Variants in TP63 observed in about 807,000 individuals in gnomAD.
TP63 encodes the protein tumor protein 63.
In TP63, 17 loss-of-function variants were observed where a neutral mutation model predicts 82.8. That is an observed-to-expected ratio of 0.21 (90% CI 0.14 to 0.31). TP63 has a LOEUF of 0.31. TP63 is among the 10% of genes least tolerant of loss of function. The pLI, the probability that TP63 is intolerant of heterozygous loss-of-function variation, is 1.00. For synonymous variants in TP63, 330 were observed against 321.7 expected (o/e 1.03, Z -0.28); for missense variants, 648 against 895.3 (o/e 0.72, Z 3.52).
chr3:189,848,395 A>G (rs1164537743), intron 4 of TP63, among the ~76,000 whole-genome samples: 2 of 147,414 alleles, frequency 1.4e-5, no homozygotes, highest in Non-Finnish European at 3.0e-5. Context: ...TTTTTTTTTA[A>G]TTTTGTATAG....
At chr3:189,877,204 T>A (rs1407262241) in intron 10 of TP63, among the ~76,000 whole-genome samples, 1 of 152,186 alleles carries the variant, frequency 6.6e-6, no homozygotes, top group Non-Finnish European at 1.5e-5. Context: ...GAAATGTGAT[T>A]TTAGTTGATT....
chr3:189,868,805 G>T lies in TP63; in HGVS notation c.1129+89G>T. 3 of 1,603,670 alleles carry T rather than the reference G, an allele frequency of 1.9e-6. No homozygotes were observed. The Admixed American group carries it at 5.0e-5, about 27-fold the overall frequency. Reference sequence around the variant, plus strand: ...TGATATTGGAGAAGCTGCATGATAAGACCTGTGACCTTCAGCAGCAAGTGG... The same window carrying T: ...TGATATTGGAGAAGCTGCATGATAATACCTGTGACCTTCAGCAGCAAGTGG... On this transcript the variant is annotated intron_variant, in intron 8 of 13. Coordinates refer to ENST00000264731, the MANE Select transcript of TP63 (RefSeq NM_003722.5).
chr3:189,696,195 TTC>T (rs1717365820), intron 1 of TP63, among the ~76,000 whole-genome samples: 1 of 152,142 alleles, frequency 6.6e-6, no homozygotes, highest in Admixed American at 6.6e-5. Flanking sequence ...TACTCATCTA[TTC>T]ATCCTTTCCC....
At chr3:189,743,220 C>G (rs1438179792) in intron 3 of TP63, among the ~76,000 whole-genome samples, 1 of 152,048 alleles carries the variant, frequency 6.6e-6, no homozygotes, top group African/African-American at 2.4e-5. Flanking sequence ...TCAAAGTGTT[C>G]AAATTCTCCA....
chr3:189,777,407 G>A (rs946991923), intron 3 of TP63, among the ~76,000 whole-genome samples: 1 of 151,998 alleles, frequency 6.6e-6, no homozygotes, highest in Non-Finnish European at 1.5e-5. Context: ...ATGTTGGTCA[G>A]GCTGGTCTCA....
intron 4 of TP63, among the ~76,000 whole-genome samples, chr3:189,833,986 A>C (rs552289289): frequency 1.3e-5 from 2 of 152,342 alleles, no homozygotes; most frequent in Admixed American, 1.3e-4. Context: ...TGTAGATATT[A>C]ATTATAAGTA....
intron 3 of TP63, among the ~76,000 whole-genome samples, chr3:189,805,620 G>T (rs964716228): frequency 1.3e-5 from 2 of 152,222 alleles, no homozygotes; most frequent in Non-Finnish European, 2.9e-5. Flanking sequence ...CTTCGGCCTT[G>T]GCCAGCCTTG....
intron 3 of TP63, among the ~76,000 whole-genome samples, chr3:189,807,284 C>T (rs1406546777): frequency 1.3e-5 from 2 of 152,224 alleles, no homozygotes; most frequent in Non-Finnish European, 2.9e-5. Flanking sequence ...GAAGATTCAG[C>T]ACCGAAAGCC....
intron 4 of TP63, among the ~76,000 whole-genome samples, chr3:189,858,650 G>A (rs921564805): frequency 4.6e-5 from 7 of 152,030 alleles, no homozygotes; most frequent in Non-Finnish European, 7.4e-5. Context: ...ATAGTAGTGC[G>A]CACCTGTAGC....
At chr3:189,690,395 A>G (rs891297867) in intron 1 of TP63, among the ~76,000 whole-genome samples, 1 of 152,014 alleles carries the variant, frequency 6.6e-6, no homozygotes, top group African/African-American at 2.4e-5. Context: ...ACTCCCCCCA[A>G]CTCAGGACGT....
chr3:189,857,116 T>G (rs1346922369), intron 4 of TP63, among the ~76,000 whole-genome samples: 1 of 152,130 alleles, frequency 6.6e-6, no homozygotes, highest in African/African-American at 2.4e-5. Flanking sequence ...CTACCTGATT[T>G]CAAGACTTAC....
At chr3:189,668,537 A>G (rs186169237) in intron 1 of TP63, among the ~76,000 whole-genome samples, 9 of 152,248 alleles carry the variant, frequency 5.9e-5, no homozygotes, top group African/African-American at 2.2e-4. Flanking sequence ...CTGAAGGTAG[A>G]AAAAGAAAGT....
chr3:189,680,631 C>T (rs909554803), intron 1 of TP63, among the ~76,000 whole-genome samples: 1 of 152,206 alleles, frequency 6.6e-6, no homozygotes, highest in Non-Finnish European at 1.5e-5. Flanking sequence ...TTGTTCAACA[C>T]ATGCAAATCA....
chr3:189,726,632 TA>T (rs1178844878), intron 1 of TP63, among the ~76,000 whole-genome samples: 1 of 151,994 alleles, frequency 6.6e-6, no homozygotes, highest in Non-Finnish European at 1.5e-5. Context: ...ACAGTTACAA[TA>T]AAAAAAATCA....
At chr3:189,867,665 C>T (rs967286047) in intron 6 of TP63, among the ~76,000 whole-genome samples, 168 bp from the exon 7 acceptor site, 5 of 152,146 alleles carry the variant, frequency 3.3e-5, no homozygotes, top group African/African-American at 1.2e-4. Flanking sequence ...TAAGCTTCCC[C>T]GCAGGCAAGA....
intron 4 of TP63, among the ~76,000 whole-genome samples, chr3:189,830,920 G>A (rs183046511): frequency 2.6e-5 from 4 of 152,330 alleles, no homozygotes; most frequent in African/African-American, 9.6e-5. Flanking sequence ...CAAAGGAGTT[G>A]TGTAGGATTA....
rs749046273 is a variant in TP63 at position 189,806,485 on chromosome 3, C to T, written c.325-1787C>T. 3.8e-4 allele frequency among the ~76,000 whole-genome samples: 58 copies of T among 152,302 alleles called. 1 individual carries two copies. Among genetic ancestry groups the T allele is most frequent in the African/African-American group, 1.3e-3 (53 of 41,556 alleles). ...AAAGAATATCTTTTCAATCCCCTTC[C>T]GAGGCTGTTGCCTCAGGCTTGGATA... On this transcript the variant is annotated intron_variant, in intron 3 of 13. Coordinates refer to ENST00000264731, the MANE Select transcript of TP63 (RefSeq NM_003722.5).
intron 3 of TP63, among the ~76,000 whole-genome samples, chr3:189,796,355 C>A (rs564308754): frequency 7.1e-4 from 108 of 152,084 alleles, no homozygotes; most frequent in African/African-American, 2.5e-3. Flanking sequence ...CAGCCTCCTT[C>A]ATCACTTCCA....
At chr3:189,738,839 C>T in intron 3 of TP63, 65 bp downstream of exon 3, 1 of 1,593,080 alleles carries the variant, frequency 6.3e-7, no homozygotes, top group Non-Finnish European at 8.6e-7. Context: ...TTAAACCTGT[C>T]TTTTCAGTCA....
Sources: gnomAD v4.1 joint callset for allele counts (sites outside exome capture counted in the v4.1 genomes callset) on GRCh38, gnomAD v4.1.1 for gene constraint, MANE v1.5 for transcripts, NCBI Gene and HGNC (gene_info 2026-07-23, HGNC 2026-07-21) for gene names.